MORC3: variants seen among roughly 807,000 people sequenced by gnomAD.
MORC3 encodes the protein MORC family CW-type zinc finger 3, also known as MORC family CW-type zinc finger protein 3.
MORC3 carries 31 observed loss-of-function variants against 109.1 expected under a neutral mutation model. The ratio of observed to expected loss-of-function variants is 0.28; its 90% CI spans 0.21 to 0.38. MORC3 has a LOEUF of 0.38. Among genes scored for constraint, MORC3 ranks in the 10% least tolerant of loss-of-function variants. The pLI is 1.00. For missense variants in MORC3, 867 were observed against 1,135.8 expected (o/e 0.76, Z 3.40); for synonymous variants, 395 against 380.7 (o/e 1.04, Z -0.44).
chr21:36,349,427 T>C lies in MORC3; in HGVS notation c.1103+19T>C. ...AGTACAGGTATGTTACCTATTTAAA[T>C]TATTGACTGAGGTTCCTAGGAAATG... On this transcript the variant is annotated intron_variant, in intron 9 of 16. Coordinates refer to ENST00000400485, the MANE Select transcript of MORC3 (RefSeq NM_015358.3). The C allele has an allele frequency of 6.8e-7, 1 of 1,471,536 alleles. No individual in the cohort carries two copies. Among genetic ancestry groups the C allele is most frequent in the Non-Finnish European group, 9.2e-7 (1 of 1,086,204 alleles). 91.2% of individuals were successfully genotyped at this position (1,471,536 alleles called of 1,614,324 possible).
intron 1 of MORC3, among the ~76,000 whole-genome samples, chr21:36,321,396 T>C (rs2085192147): frequency 6.6e-6 from 1 of 152,184 alleles, no homozygotes; most frequent in African/African-American, 2.4e-5. Flanking sequence ...CCTTTGACCA[T>C]TTTCTGTTTT....
At chr21:36,370,635 ATATATTTTTTTTTTTTTTTT>A (rs1316671423) in intron 15 of MORC3, among the ~76,000 whole-genome samples, 6 of 42,006 alleles carry the variant, frequency 1.4e-4, no homozygotes, top group Admixed American at 7.0e-4. Flanking sequence ...ATATATATAT[ATATATTTTTTTTTTTTTTTT>A]TTTTTTTTTT....
rs761476349 is a variant in MORC3, at chr21:36,349,328, T to C, written c.1023T>C (p.Val341=). Residue 341 remains valine (V), a synonymous_variant, in exon 9 of 17, where the codon GTT becomes GTC. Coordinates refer to ENST00000400485, the MANE Select transcript of MORC3 (RefSeq NM_015358.3). ...GCQLRANNMG[V]GVVGIIECNF... ...TTTTTCAGGCAAACAACATGGGTGT[T>C]GGAGTGGTTGGAATTATAGAGTGTA... 6.2e-7 allele frequency: 1 copy of C among 1,609,242 alleles called. No homozygotes were observed. Among genetic ancestry groups the C allele is most frequent in the South Asian group, 1.1e-5 (1 of 89,540 alleles).
chr21:36,322,750 A>C lies in MORC3; in HGVS notation c.39+2447A>C, dbSNP rs181363806. The stretch of plus-strand genomic sequence containing the variant: ...AATGCAGAGTGACAAAAAGTTTTTA[A>C]ATTTTTTGCTTTTTACCCCTGTAAT... On this transcript the variant is annotated intron_variant, in intron 1 of 16. Transcript: ENST00000400485. Among the ~76,000 whole-genome samples the C allele has an allele frequency of 3.7e-3, 567 of 152,126 alleles. 3 individuals are homozygous for C. The highest frequency in any genetic ancestry group is 4.8e-3 in the Non-Finnish European group (324 of 67,988).
chr21:36,332,385 G>A (rs946224193), intron 1 of MORC3, among the ~76,000 whole-genome samples: 9 of 152,138 alleles, frequency 5.9e-5, no homozygotes, highest in Non-Finnish European at 1.0e-4. Flanking sequence ...GCAGTCAGCC[G>A]AAATTGTGCC....
chr21:36,365,200 G>A (rs1401404223), intron 14 of MORC3, among the ~76,000 whole-genome samples: 2 of 152,184 alleles, frequency 1.3e-5, no homozygotes, highest in Non-Finnish European at 2.9e-5. Flanking sequence ...AGTGATGCAT[G>A]AATTGAATAG....
At chr21:36,353,355 CAAAAAAA>C (rs35837458) in intron 9 of MORC3, among the ~76,000 whole-genome samples, 1 of 55,660 alleles carries the variant, frequency 1.8e-5, no homozygotes, top group Non-Finnish European at 3.2e-5. Context: ...GACTCTGTCT[CAAAAAAA>C]AAAAAAAAAA....
At position 36,328,001 on chromosome 21, in the gene MORC3, C is replaced by G. The variant is rs1416530590; in HGVS notation, c.40-5645C>G. ...AAGTGATTGCCATGCCTCAGCCACC[C>G]AAGTAGCTGGGATTACAGGTGTGTG... On this transcript the variant is annotated intron_variant, in intron 1 of 16. Coordinates refer to ENST00000400485, the MANE Select transcript of MORC3 (RefSeq NM_015358.3). 4.6e-5 allele frequency among the ~76,000 whole-genome samples: 7 copies of G among 151,794 alleles called. No individual in the cohort carries two copies. The East Asian group carries it at 1.4e-3, about 29-fold the overall frequency.
chr21:36,327,822 T>C (rs2085265766), intron 1 of MORC3, among the ~76,000 whole-genome samples: 1 of 145,632 alleles, frequency 6.9e-6, no homozygotes, highest in Non-Finnish European at 1.5e-5. Context: ...TTTTGATTTT[T>C]AGTCTGTTTT....
In MORC3 at chr21:36,341,536, A is replaced by G. The variant is rs753654013; in HGVS notation, c.746A>G (p.Tyr249Cys). The G allele has an allele frequency of 2.0e-5, 32 of 1,613,878 alleles. No homozygotes were observed. The highest frequency in any genetic ancestry group is 2.5e-5 in the Non-Finnish European group (30 of 1,180,012). ...GACCAGATTGCCCCTGAGAGTGACT[A>G]TTCCCTGAGGGTATGTATTCAGCTC... ...RMDQIAPESDYSLRAYCSILY... is the reference protein window; with the variant it reads ...RMDQIAPESDCSLRAYCSILY... The change falls in exon 6 of 17, where the codon TAT (tyrosine) becomes TGT (cysteine). Residue 249 changes from tyrosine to cysteine, a missense_variant. Coordinates refer to ENST00000400485, the MANE Select transcript of MORC3 (RefSeq NM_015358.3).
intron 6 of MORC3, 103 bp downstream of exon 6, chr21:36,341,649 C>T (rs1601520773): frequency 6.8e-7 from 1 of 1,479,778 alleles, no homozygotes; most frequent in East Asian, 2.3e-5. Flanking sequence ...TGCCAGTGCT[C>T]TCTAAATGAA....
rs1177711238 is a variant in MORC3, at chr21:36,320,318, GGGGT to G, written c.39+18_39+21del. On this transcript the variant is annotated intron_variant, in intron 1 of 16. Transcript: ENST00000400485. ...GCCTCAGCGCGGTGAGCAGCCGCGAGGGGTGGAGCGGGCCGTGTCCCAGGAGGGC... is the reference window on the plus strand; with the variant it reads ...GCCTCAGCGCGGTGAGCAGCCGCGAGGGAGCGGGCCGTGTCCCAGGAGGGC... The G allele has an allele frequency of 6.6e-7, 1 of 1,511,590 alleles. No individual in the cohort carries two copies. The highest frequency in any genetic ancestry group is 1.4e-5 in the African/African-American group (1 of 70,484). 93.6% of individuals were successfully genotyped at this position (1,511,590 alleles called of 1,614,324 possible).
At chr21:36,358,590 TAAAAAA>T (rs1375760576) in intron 10 of MORC3, among the ~76,000 whole-genome samples, 1 of 151,682 alleles carries the variant, frequency 6.6e-6, no homozygotes, top group Non-Finnish European at 1.5e-5. Context: ...ACCTATCTCT[TAAAAAA>T]ATAAATAAAT....
In MORC3 at chr21:36,369,420, C is replaced by T. The variant is rs1006316001; in HGVS notation, c.2052C>T (p.Thr684=). 1.2e-6 allele frequency: 2 copies of T among 1,614,004 alleles called. No homozygotes were observed. The highest frequency in any genetic ancestry group is 1.7e-6 in the Non-Finnish European group (2 of 1,180,030). Residue 684 remains threonine (T), a synonymous_variant, in exon 15 of 17, where the codon ACC becomes ACT. Transcript: ENST00000400485. The part of the protein sequence containing the change: ...AEAKIHETQE[T]TDKSADDAGC... ...CAAAGATACATGAAACCCAGGAAAC[C>T]ACCGATAAATCTGCAGATGATGCAG...
intron 9 of MORC3, among the ~76,000 whole-genome samples, chr21:36,356,336 A>C (rs2085644793): frequency 6.6e-6 from 1 of 152,046 alleles, no homozygotes; most frequent in Admixed American, 6.6e-5. Flanking sequence ...GACATATCTA[A>C]CTTATTCTTA....
intron 1 of MORC3, among the ~76,000 whole-genome samples, chr21:36,332,090 A>G (rs35571899): frequency 0.099 from 14,893 of 150,296 alleles, 1,281 homozygotes; most frequent in East Asian, 0.4. Flanking sequence ...GCAGTGAGCT[A>G]TGATTGCACT....
At chr21:36,339,027 T>TA (rs2085405977) in intron 5 of MORC3, 106 bp downstream of exon 5, 1 of 1,295,880 alleles carries the variant, frequency 7.7e-7, no homozygotes, top group African/African-American at 1.5e-5. Context: ...CATGGAAAGG[T>TA]ACTCATTTTT....
At chr21:36,362,268 G>GAT in intron 13 of MORC3, 40 bp downstream of exon 13, 1 of 1,545,378 alleles carries the variant, frequency 6.5e-7, no homozygotes, top group Non-Finnish European at 8.8e-7. Flanking sequence ...TTTAAATAGA[G>GAT]ATGGGGGCTG....
At chr21:36,362,330 G>GT (rs1205475727) in intron 13 of MORC3, 102 bp downstream of exon 13, 25 of 1,306,454 alleles carry the variant, frequency 1.9e-5, no homozygotes, top group Non-Finnish European at 2.5e-5. Flanking sequence ...ATCACCTGAG[G>GT]TCAGGAGTTC....
Sources: gnomAD v4.1 joint callset for allele counts (sites outside exome capture counted in the v4.1 genomes callset) on GRCh38, gnomAD v4.1.1 for gene constraint, MANE v1.5 for transcripts, NCBI Gene and HGNC (gene_info 2026-07-23, HGNC 2026-07-21) for gene names.